BMP5: variants seen among roughly 807,000 people sequenced by gnomAD.
The protein encoded by BMP5 is bone morphogenetic protein 5.
In BMP5, 23 loss-of-function variants were observed where a neutral mutation model predicts 46.6. That is an observed-to-expected ratio of 0.49 (90% CI 0.35 to 0.70). The LOEUF (loss-of-function observed/expected upper bound fraction) is 0.70. Ranked by LOEUF, BMP5 falls within the 30% of genes least tolerant of loss-of-function variation. BMP5 has a pLI of 0.00. For missense variants in BMP5, 545 were observed against 565.6 expected (o/e 0.96, Z 0.37); for synonymous variants, 204 against 191.9 (o/e 1.06, Z -0.52).
intron 1 of BMP5, among the ~76,000 whole-genome samples, chr6:55,859,456 G>T (rs1427057754): frequency 2.6e-5 from 4 of 152,182 alleles, no homozygotes; most frequent in Non-Finnish European, 5.9e-5. Flanking sequence ...ACAATGAATT[G>T]TCTAGCTGAT....
Position 55,855,404 on chromosome 6 carries a change from G to A in BMP5, c.490+18972C>T, listed in dbSNP as rs145513364. Among the ~76,000 whole-genome samples the A allele has an allele frequency of 4.9e-3, 739 of 151,166 alleles. 4 individuals are homozygous for A. The highest frequency in any genetic ancestry group is 0.017 in the African/African-American group (691 of 41,142). ...TCTCTCAAAAGAAAAAAAAGGGGGGGGATTTTTAATATATTAGATATTAGC... is the reference window on the plus strand; with the variant it reads ...TCTCTCAAAAGAAAAAAAAGGGGGGAGATTTTTAATATATTAGATATTAGC... On this transcript the variant is annotated intron_variant, in intron 1 of 6. Transcript: ENST00000370830.
At chr6:55,844,841 T>C (rs1240084629) in intron 1 of BMP5, among the ~76,000 whole-genome samples, 3 of 151,986 alleles carry the variant, frequency 2.0e-5, no homozygotes, top group Non-Finnish European at 2.9e-5. Flanking sequence ...TAATGTTGTT[T>C]AGAACCAACC....
rs142884641 is a variant in BMP5, at chr6:55,760,473, C to A, written c.1088G>T (p.Arg363Leu). 6.5e-5 allele frequency: 105 copies of A among 1,612,896 alleles called. No homozygotes were observed. The highest frequency in any genetic ancestry group is 3.5e-4 in the Admixed American group (21 of 59,908). Reference protein sequence around the residue: ...CKKHELYVSFRDLGWQDWIIA... With the variant: ...CKKHELYVSFLDLGWQDWIIA... ...AATTCCTACCTGCCATCCCAGATCC[C>A]GGAAGCTCACATAGAGTTCGTGCTT... Residue 363 changes from arginine (R) to leucine (L), a missense_variant, in exon 5 of 7, where the codon CGG (arginine) becomes CTG (leucine). Arg to Leu is a moderately radical substitution (Grantham distance 102). Coordinates refer to ENST00000370830, the MANE Select transcript of BMP5 (RefSeq NM_021073.4).
intron 2 of BMP5, among the ~76,000 whole-genome samples, chr6:55,796,162 G>A (rs1775707878): frequency 6.6e-6 from 1 of 152,128 alleles, no homozygotes; most frequent in Non-Finnish European, 1.5e-5. Flanking sequence ...GTGCTACACT[G>A]ATTTCAGGTC....
Position 55,780,672 on chromosome 6 carries a change from T to C in BMP5, c.833-6429A>G, listed in dbSNP as rs541128142. Reference sequence around the variant, plus strand: ...TGTCGTGCCCCACAGTTTGATAAAGTGACGGGGCTTAGAAAAGAAACGGGA... The same window carrying C: ...TGTCGTGCCCCACAGTTTGATAAAGCGACGGGGCTTAGAAAAGAAACGGGA... On this transcript the variant is annotated intron_variant, in intron 3 of 6. Transcript: ENST00000370830. 5.9e-5 allele frequency among the ~76,000 whole-genome samples: 9 copies of C among 152,082 alleles called. No homozygotes were observed. The South Asian group carries it at 1.5e-3, about 25-fold the overall frequency.
intron 1 of BMP5, among the ~76,000 whole-genome samples, chr6:55,850,380 A>C (rs1271344721): frequency 7.0e-6 from 1 of 143,772 alleles, no homozygotes; most frequent in East Asian, 1.9e-4. Flanking sequence ...ATAGATAGAT[A>C]GATAGATAGA....
intron 2 of BMP5, among the ~76,000 whole-genome samples, chr6:55,806,783 A>G (rs1776001138): frequency 2.0e-5 from 3 of 152,178 alleles, no homozygotes; most frequent in African/African-American, 7.2e-5. Context: ...GAGGTCCTTC[A>G]CATCCCTTGT....
At chr6:55,836,127 A>G (rs1776788087) in intron 1 of BMP5, among the ~76,000 whole-genome samples, 2 of 152,288 alleles carry the variant, frequency 1.3e-5, no homozygotes, top group South Asian at 4.1e-4. Context: ...AAGACTCACA[A>G]AATATCACAG....
chr6:55,813,670 C>T (rs1386724804), intron 2 of BMP5, among the ~76,000 whole-genome samples: 1 of 151,696 alleles, frequency 6.6e-6, no homozygotes, highest in African/African-American at 2.4e-5. Flanking sequence ...GCCTGTAGTC[C>T]CAGCTACTAG....
At chr6:55,821,821 G>A (rs10080613) in intron 1 of BMP5, among the ~76,000 whole-genome samples, 6,856 of 152,186 alleles carry the variant, frequency 0.045, 493 homozygotes, top group African/African-American at 0.16. Context: ...GGAAGAAAAT[G>A]CCTGCTACCT....
chr6:55,802,547 A>G lies in BMP5; in HGVS notation c.684-8120T>C, dbSNP rs1775874225. ...ATAAATATTTGATTTACCTTACTAG[A>G]TAAGGAAAAGTGACCAGCCATGGTG... On this transcript the variant is annotated intron_variant, in intron 2 of 6. Coordinates refer to ENST00000370830, the MANE Select transcript of BMP5 (RefSeq NM_021073.4). 2.6e-5 allele frequency among the ~76,000 whole-genome samples: 4 copies of G among 152,108 alleles called. No homozygotes were observed. In the South Asian group the frequency reaches 8.3e-4, roughly 32 times the overall value.
chr6:55,784,803 G>A (rs1011373650), intron 3 of BMP5, among the ~76,000 whole-genome samples: 2 of 151,604 alleles, frequency 1.3e-5, no homozygotes, highest in Admixed American at 6.6e-5. Flanking sequence ...ATTTTTAATG[G>A]CATTGTTTTA....
chr6:55,788,168 T>C (rs1438692048), intron 3 of BMP5, among the ~76,000 whole-genome samples: 2 of 151,726 alleles, frequency 1.3e-5, no homozygotes, highest in East Asian at 3.9e-4. Flanking sequence ...GGAGTTTTTA[T>C]GCTAATGTTG....
At chr6:55,810,220 T>C (rs1358168639) in intron 2 of BMP5, among the ~76,000 whole-genome samples, 1 of 152,174 alleles carries the variant, frequency 6.6e-6, no homozygotes, top group African/African-American at 2.4e-5. Flanking sequence ...ATTATACAAT[T>C]CTATAAATCT....
intron 2 of BMP5, among the ~76,000 whole-genome samples, chr6:55,817,613 G>A (rs915306367): frequency 5.9e-5 from 9 of 152,034 alleles, no homozygotes; most frequent in Admixed American, 3.3e-4. Context: ...GGTGGGAGGA[G>A]GGGGGAGGGA....
At chr6:55,808,548 G>A (rs1223336031) in intron 2 of BMP5, among the ~76,000 whole-genome samples, 3 of 152,182 alleles carry the variant, frequency 2.0e-5, no homozygotes, top group Non-Finnish European at 2.9e-5. Flanking sequence ...CTAGCTTACT[G>A]GCTGTTGAGA....
chr6:55,787,975 AG>A (rs1775487946), intron 3 of BMP5, among the ~76,000 whole-genome samples: 1 of 151,666 alleles, frequency 6.6e-6, no homozygotes, highest in African/African-American at 2.4e-5. Flanking sequence ...AACATGTATT[AG>A]GGACCATTGG....
At chr6:55,755,794 ATC>A in intron 6 of BMP5, 112 bp from the exon 7 acceptor site, 1 of 1,043,274 alleles carries the variant, frequency 9.6e-7, no homozygotes, top group South Asian at 1.4e-5. Flanking sequence ...CATTAAGCTG[ATC>A]TCCCTTCTCC....
In BMP5 at chr6:55,794,379, A is replaced by G. The variant is rs760218350; in HGVS notation, c.732T>C (p.Asp244=). The change falls in exon 3 of 7, where the codon GAT becomes GAC. Residue 244 remains aspartate (D), a synonymous_variant. Transcript: ENST00000370830. ...LLDTRKAQAL[D]VGWLVFDITV... ...TGATATCAAAGACAAGCCAACCCAC[A>G]TCTAAAGCTTGGGCCTTTCTTGTGT... The G allele has an allele frequency of 1.2e-6, 2 of 1,613,922 alleles. No individual in the cohort carries two copies. The highest frequency in any genetic ancestry group is 2.7e-5 in the African/African-American group (2 of 74,944).
Sources: allele counts gnomAD v4.1 joint callset (sites outside exome capture counted in the v4.1 genomes callset), GRCh38; gene constraint gnomAD v4.1.1; transcripts MANE v1.5; gene names NCBI Gene and HGNC (gene_info 2026-07-23, HGNC 2026-07-21).